The following CPB2 variants were observed in gnomAD, a reference collection of about 807,000 sequenced individuals.
The protein encoded by CPB2 is carboxypeptidase B-like protein.
A neutral mutation model predicts 57.0 loss-of-function variants in CPB2; 54 were observed. The ratio of observed to expected loss-of-function variants is 0.95; its 90% CI spans 0.76 to 1.19. The LOEUF (loss-of-function observed/expected upper bound fraction) is 1.19. Among genes scored for constraint, CPB2 ranks in the 50% most tolerant of loss-of-function variants. CPB2 has a pLI of 0.00. For synonymous variants in CPB2, 189 were observed against 178.1 expected (o/e 1.06, Z -0.49); for missense variants, 426 against 512.0 (o/e 0.83, Z 1.62).
At chr13:46,069,706 T>A (rs2044909513) in intron 6 of CPB2, among the ~76,000 whole-genome samples, 1 of 152,252 alleles carries the variant, frequency 6.6e-6, no homozygotes, top group Non-Finnish European at 1.5e-5. Flanking sequence ...TGATGTTTCA[T>A]TGCATGAATA....
intron 2 of CPB2, 102 bp downstream of exon 2, chr13:46,087,643 C>T (rs957642349): frequency 1.3e-6 from 1 of 769,156 alleles, no homozygotes; most frequent in Non-Finnish European, 2.2e-6. Context: ...AAGAAGAGTT[C>T]ATACCAGATA....
intron 1 of CPB2, among the ~76,000 whole-genome samples, chr13:46,095,549 G>C (rs1265563852): frequency 1.3e-5 from 2 of 152,192 alleles, no homozygotes; most frequent in Non-Finnish European, 2.9e-5. Context: ...TGCCGGGGTA[G>C]AGTCTCAGGC....
intron 7 of CPB2, among the ~76,000 whole-genome samples, chr13:46,065,868 G>A (rs1032335532): frequency 6.6e-6 from 1 of 152,098 alleles, no homozygotes; most frequent in African/African-American, 2.4e-5. Context: ...GAAATCTAAA[G>A]GGTGACTGAA....
intron 10 of CPB2, among the ~76,000 whole-genome samples, chr13:46,055,119 G>A (rs2044680149): frequency 6.7e-6 from 1 of 149,088 alleles, no homozygotes; most frequent in Non-Finnish European, 1.5e-5. Context: ...CCTTCAGGCT[G>A]TAGTTTTCTG....
intron 1 of CPB2, chr13:46,097,404 G>A (rs1209632453): frequency 6.6e-6 from 1 of 152,216 alleles, no homozygotes; most frequent in African/African-American, 2.4e-5. Context: ...TGGGTGGTAA[G>A]TTGACTACAT....
At chr13:46,087,851 A>T (rs2045234046) in intron 1 of CPB2, 31 bp from the exon 2 acceptor site, 1 of 1,448,816 alleles carries the variant, frequency 6.9e-7, no homozygotes, top group South Asian at 1.2e-5. Context: ...GGATTTTGAT[A>T]TTAAATAAAG....
intron 9 of CPB2, 29 bp from the exon 10 acceptor site, chr13:46,055,878 T>A: frequency 7.7e-7 from 1 of 1,296,622 alleles, no homozygotes. Context: ...AGAATTTCAG[T>A]TAATGTGCAG....
chr13:46,082,139 G>A (rs192541674), intron 4 of CPB2, among the ~76,000 whole-genome samples: 2 of 152,262 alleles, frequency 1.3e-5, no homozygotes, highest in Admixed American at 1.3e-4. Flanking sequence ...TTTGGTGGCA[G>A]TTTTAATTAA....
In CPB2 at chr13:46,082,295, T is replaced by C. The variant is rs2045130171; in HGVS notation, c.384+146A>G. ...GGGAAGATATCTACCAAAAAATGAA[T>C]GACCACCATTTAATTAACCTAAGTG... is the stretch of plus-strand genomic sequence containing the variant. On this transcript the variant is annotated intron_variant, in intron 4 of 10. Coordinates refer to ENST00000181383, the MANE Select transcript of CPB2 (RefSeq NM_001872.5). The C allele has an allele frequency of 2.4e-5, 11 of 457,464 alleles. No homozygotes were observed. The East Asian group carries it at 3.9e-4, about 16-fold the overall frequency. The allele number at this position is 457,464 out of a possible 1,614,324, so 28.3% of individuals were successfully genotyped here. A position where few individuals can be genotyped will look rare whatever the true frequency, so the allele number is the denominator to read the frequency against.
intron 8 of CPB2, among the ~76,000 whole-genome samples, chr13:46,062,125 A>T (rs1325418649): frequency 2.0e-5 from 3 of 150,912 alleles, no homozygotes; most frequent in African/African-American, 7.3e-5. Flanking sequence ...CATGCCCAAG[A>T]GGGGACTGAG....
intron 9 of CPB2, among the ~76,000 whole-genome samples, chr13:46,057,232 T>C (rs2044709364): frequency 6.6e-6 from 1 of 152,098 alleles, no homozygotes; most frequent in African/African-American, 2.4e-5. Flanking sequence ...AAAGATAATA[T>C]TTTTGAAAGG....
At chr13:46,063,465 C>T (rs2044805892) in intron 8 of CPB2, among the ~76,000 whole-genome samples, 1 of 152,178 alleles carries the variant, frequency 6.6e-6, no homozygotes, top group East Asian at 1.9e-4. Context: ...ACAATGCCTT[C>T]CAGCTGCATC....
intron 5 of CPB2, 50 bp from the exon 6 acceptor site, chr13:46,074,027 G>T: frequency 9.2e-7 from 1 of 1,089,056 alleles, no homozygotes; most frequent in Non-Finnish European, 1.4e-6. Flanking sequence ...ATAAGCTTCA[G>T]GATAATAACT....
intron 2 of CPB2, among the ~76,000 whole-genome samples, chr13:46,087,159 G>A (rs2045221452): frequency 6.6e-6 from 1 of 152,178 alleles, no homozygotes; most frequent in Non-Finnish European, 1.5e-5. Flanking sequence ...AGCTGCAGCG[G>A]GCAGCTGCAG....
At chr13:46,060,260 C>T (rs7987953) in intron 8 of CPB2, among the ~76,000 whole-genome samples, 119,827 of 152,132 alleles carry the variant, frequency 0.79, 47,540 homozygotes, top group African/African-American at 0.87. Flanking sequence ...ATCAGGAGTT[C>T]GACACCAGCG....
chr13:46,067,211 C>T, intron 7 of CPB2, 96 bp downstream of exon 7: 1 of 574,578 alleles, frequency 1.7e-6, no homozygotes, highest in Non-Finnish European at 3.1e-6. Context: ...ATAATAAAGC[C>T]ATTGTGCCTA....
intron 1 of CPB2, among the ~76,000 whole-genome samples, chr13:46,104,155 C>G (rs954319045): frequency 1.1e-4 from 16 of 152,098 alleles, no homozygotes; most frequent in African/African-American, 3.9e-4. Flanking sequence ...TGCCCTATGT[C>G]TCTTCTTTCT....
intron 6 of CPB2, among the ~76,000 whole-genome samples, chr13:46,068,769 C>T (rs2044894523): frequency 6.6e-6 from 1 of 151,474 alleles, no homozygotes; most frequent in Non-Finnish European, 1.5e-5. Flanking sequence ...TCAGCTCCCA[C>T]TTATGAGTGA....
intron 1 of CPB2, among the ~76,000 whole-genome samples, chr13:46,093,236 G>A (rs1301533832): frequency 1.3e-5 from 2 of 152,134 alleles, no homozygotes; most frequent in African/African-American, 4.8e-5. Flanking sequence ...CAAGGGTGGA[G>A]GGTGGCTTTA....
Sources: gnomAD v4.1 joint callset for allele counts (sites outside exome capture counted in the v4.1 genomes callset) on GRCh38, gnomAD v4.1.1 for gene constraint, MANE v1.5 for transcripts, NCBI Gene and HGNC (gene_info 2026-07-23, HGNC 2026-07-21) for gene names.